The following FILIP1 variants were observed in gnomAD, a reference collection of about 807,000 sequenced individuals.
FILIP1 encodes filamin A interacting protein 1, also known as filamin-A-interacting protein 1.
A neutral mutation model predicts 102.1 loss-of-function variants in FILIP1; 61 were observed. The observed-to-expected ratio is 0.60, with a 90% CI of 0.49 to 0.74. The LOEUF is 0.74. Ranked by LOEUF, FILIP1 falls within the 30% of genes least tolerant of loss-of-function variation. The pLI is 0.00. For synonymous variants in FILIP1, 491 were observed against 526.9 expected (o/e 0.93, Z 0.93); for missense variants, 1,314 against 1,441.2 (o/e 0.91, Z 1.43).
At chr6:75,410,348 A>G (rs1309545696) in intron 2 of FILIP1, among the ~76,000 whole-genome samples, 1 of 151,454 alleles carries the variant, frequency 6.6e-6, no homozygotes, top group African/African-American at 2.4e-5. Context: ...TTTTTTTCTT[A>G]TCTCTAGCCC....
intron 4 of FILIP1, among the ~76,000 whole-genome samples, chr6:75,322,385 T>C (rs1773693845): frequency 6.6e-6 from 1 of 152,186 alleles, no homozygotes; most frequent in Non-Finnish European, 1.5e-5. Context: ...CTCCATTCTC[T>C]TCTCCGCTCA....
intron 4 of FILIP1, among the ~76,000 whole-genome samples, chr6:75,320,171 T>A (rs894371481): frequency 6.6e-6 from 1 of 152,210 alleles, no homozygotes; most frequent in South Asian, 2.1e-4. Context: ...TTTGCCCCCT[T>A]GCGTAATGCC....
At chr6:75,320,516 G>A (rs1773614424) in intron 4 of FILIP1, among the ~76,000 whole-genome samples, 1 of 152,158 alleles carries the variant, frequency 6.6e-6, no homozygotes, top group Non-Finnish European at 1.5e-5. Context: ...GGCAGAGGTT[G>A]CAGTGAGCCG....
chr6:75,490,886 C>T (rs1288856242), intron 1 of FILIP1, among the ~76,000 whole-genome samples: 1 of 152,022 alleles, frequency 6.6e-6, no homozygotes, highest in Non-Finnish European at 1.5e-5. Flanking sequence ...TATACTTATC[C>T]ATACTTTCTC....
At position 75,472,389 on chromosome 6, in the gene FILIP1, T is replaced by C. The variant is rs140601641; in HGVS notation, c.-7+21025A>G. ...TTATAACATTTGAATGTTAATTTAA[T>C]AGAACAGTCTTCCTCAAGTCTTATT... is the stretch of plus-strand genomic sequence containing the variant. On this transcript the variant is annotated intron_variant, in intron 1 of 5. Coordinates refer to ENST00000237172, the MANE Select transcript of FILIP1 (RefSeq NM_015687.5). Among the ~76,000 whole-genome samples, 11 of 152,274 alleles carry C rather than the reference T, an allele frequency of 7.2e-5. No individual in the cohort carries two copies. The East Asian group carries it at 2.1e-3, about 29-fold the overall frequency.
intron 1 of FILIP1, among the ~76,000 whole-genome samples, chr6:75,467,278 A>AT (rs1440469482): frequency 1.3e-5 from 2 of 152,246 alleles, no homozygotes; most frequent in African/African-American, 4.8e-5. Flanking sequence ...TTTCTAATGA[A>AT]TAATTTGATG....
intron 2 of FILIP1, chr6:75,366,108 G>A (rs1775322730): frequency 6.6e-6 from 1 of 152,148 alleles, no homozygotes; most frequent in South Asian, 2.1e-4. Context: ...CTGAAAACAG[G>A]GTAGTATAAG....
chr6:75,299,128 C>G (rs116463033), intron 6 of FILIP1, among the ~76,000 whole-genome samples: 3,755 of 151,556 alleles, frequency 0.025, 148 homozygotes, highest in African/African-American at 0.086. Context: ...GTATATAGTA[C>G]AATAAAATAA....
chr6:75,353,257 A>T (rs915018813), intron 4 of FILIP1, among the ~76,000 whole-genome samples: 20 of 152,336 alleles, frequency 1.3e-4, no homozygotes, highest in Admixed American at 5.9e-4. Flanking sequence ...ATAAAAAAAT[A>T]AAGTCCTTGA....
intron 1 of FILIP1, among the ~76,000 whole-genome samples, chr6:75,462,287 G>A (rs1036181188): frequency 2.6e-5 from 4 of 152,134 alleles, no homozygotes; most frequent in Admixed American, 2.6e-4. Context: ...GAGGATGCCA[G>A]CTATAGTGCT....
chr6:75,297,590 AT>A (rs1205842699), intron 6 of FILIP1, among the ~76,000 whole-genome samples: 1 of 152,200 alleles, frequency 6.6e-6, no homozygotes, highest in Admixed American at 6.5e-5. Flanking sequence ...CATTGAAAAA[AT>A]ATTCCAGCTT....
chr6:75,324,729 T>C (rs895253020), intron 4 of FILIP1, among the ~76,000 whole-genome samples: 6 of 152,158 alleles, frequency 3.9e-5, no homozygotes, highest in Non-Finnish European at 8.8e-5. Flanking sequence ...TGTACTGGTA[T>C]AAAAATAAGC....
intron 1 of FILIP1, among the ~76,000 whole-genome samples, chr6:75,464,278 T>C (rs1350146391): frequency 1.3e-5 from 2 of 152,224 alleles, no homozygotes; most frequent in African/African-American, 4.8e-5. Flanking sequence ...GCTGCAGTGG[T>C]AAATGAAGTC....
intron 1 of FILIP1, among the ~76,000 whole-genome samples, chr6:75,419,357 T>C (rs182675264): frequency 5.3e-4 from 81 of 152,310 alleles, no homozygotes; most frequent in Middle Eastern, 3.4e-3. Flanking sequence ...TTGGCATCTT[T>C]GCTATGCTTC....
chr6:75,418,830 A>T (rs1276852756), intron 1 of FILIP1, among the ~76,000 whole-genome samples: 1 of 152,250 alleles, frequency 6.6e-6, no homozygotes, highest in Non-Finnish European at 1.5e-5. Flanking sequence ...TAAGCAAATT[A>T]TCTTAACATA....
intron 2 of FILIP1, among the ~76,000 whole-genome samples, chr6:75,369,545 A>C (rs1352367314): frequency 1.3e-5 from 2 of 151,648 alleles, no homozygotes; most frequent in Non-Finnish European, 2.9e-5. Context: ...ACGACAATTT[A>C]ACTGTATTTT....
At chr6:75,488,222 C>T (rs1253403069) in intron 1 of FILIP1, among the ~76,000 whole-genome samples, 2 of 152,140 alleles carry the variant, frequency 1.3e-5, no homozygotes, top group Non-Finnish European at 2.9e-5. Context: ...TGTTGTATTA[C>T]TTCACTTCTG....
intron 1 of FILIP1, among the ~76,000 whole-genome samples, chr6:75,475,035 C>T (rs538442789): frequency 4.6e-5 from 7 of 152,218 alleles, no homozygotes; most frequent in South Asian, 4.1e-4. Context: ...GCCAGCATCA[C>T]GCTTCCTGCA....
At chr6:75,364,131 T>G (rs996138848) in intron 2 of FILIP1, among the ~76,000 whole-genome samples, 1 of 152,190 alleles carries the variant, frequency 6.6e-6, no homozygotes, top group African/African-American at 2.4e-5. Flanking sequence ...AATTTGCAGA[T>G]TTGAAATGTC....
Sources: gnomAD v4.1 joint callset for allele counts (sites outside exome capture counted in the v4.1 genomes callset) on GRCh38, gnomAD v4.1.1 for gene constraint, MANE v1.5 for transcripts, NCBI Gene and HGNC (gene_info 2026-07-23, HGNC 2026-07-21) for gene names.